The following MYPN variants were observed in gnomAD, a reference collection of about 807,000 sequenced individuals.
MYPN encodes myopalladin, also known as sarcomeric protein myopalladin, 145 kDa (MYOP).
In MYPN, 63 loss-of-function variants were observed where a neutral mutation model predicts 129.4. That is an observed-to-expected ratio of 0.49 (90% CI 0.40 to 0.60). MYPN has a LOEUF of 0.60. Ranked by LOEUF, MYPN falls within the 20% of genes least tolerant of loss-of-function variation. The pLI, the probability that MYPN is intolerant of heterozygous loss-of-function variation, is 0.00. For missense variants in MYPN, 1,596 were observed against 1,635.4 expected, an observed-to-expected ratio of 0.98 and a Z score of 0.42; for synonymous variants, 629 against 600.9, an observed-to-expected ratio of 1.05 and a Z score of -0.68.
At position 68,116,282 on chromosome 10, in the gene MYPN, TA is replaced by T. The variant is rs199894824; in HGVS notation, c.-1-5149del. ...AATAGAAAGTTTTTAAATTAATGCT[TA>T]AAAAAATAATTTTCATATTTTTTAT... is the stretch of plus-strand genomic sequence containing the variant. On this transcript the variant is annotated intron_variant, in intron 1 of 19. Transcript: ENST00000358913. 2.6e-3 allele frequency among the ~76,000 whole-genome samples: 272 copies of T among 106,216 alleles called. 2 individuals carry two copies. Among genetic ancestry groups the T allele is most frequent in the African/African-American group, 3.9e-3 (75 of 19,136 alleles). The allele number at this position is 106,216 out of a possible 152,430, so 69.7% of individuals were successfully genotyped here.
At chr10:68,102,939 C>T (rs572594874), upstream of MYPN, among the ~76,000 whole-genome samples, 49 of 152,190 alleles carry the variant, frequency 3.2e-4, no homozygotes, top group African/African-American at 1.2e-3. Context: ...ACTGTCTAGC[C>T]TAAAAGATGA....
chr10:68,163,355 G>T (rs867256519), intron 8 of MYPN, among the ~76,000 whole-genome samples: 1 of 151,916 alleles, frequency 6.6e-6, no homozygotes, highest in African/African-American at 2.4e-5. Flanking sequence ...AGCTGGGTGC[G>T]GTGGCTCACG....
intron 3 of MYPN, 85 bp from the exon 4 acceptor site, chr10:68,145,390 A>G (rs1311795607): frequency 4.7e-6 from 5 of 1,062,832 alleles, no homozygotes; most frequent in Non-Finnish European, 7.2e-6. Flanking sequence ...ACAAAGTATC[A>G]TCTTAAAAAT....
At chr10:68,099,617 G>A (rs553670961) in intron 1 of MYPN, among the ~76,000 whole-genome samples, 1 of 151,542 alleles carries the variant, frequency 6.6e-6, no homozygotes, top group East Asian at 1.9e-4. Context: ...TCCAGCCTGG[G>A]TGACAGAGCA....
At chr10:68,193,786 G>A (rs2043555045) in intron 13 of MYPN, among the ~76,000 whole-genome samples, 1 of 135,508 alleles carries the variant, frequency 7.4e-6, no homozygotes. Flanking sequence ...TATATAGATA[G>A]ATGTGTATGT....
At chr10:68,168,282 T>C (rs2043084822) in intron 10 of MYPN, among the ~76,000 whole-genome samples, 2 of 152,136 alleles carry the variant, frequency 1.3e-5, no homozygotes, top group African/African-American at 4.8e-5. Context: ...TGGAAGAAAC[T>C]GGGTGGGAGA....
intron 1 of MYPN, among the ~76,000 whole-genome samples, chr10:68,098,177 C>T (rs1483933242): frequency 6.6e-6 from 1 of 152,008 alleles, no homozygotes; most frequent in African/African-American, 2.4e-5. Flanking sequence ...ACCTGGGAGG[C>T]GAAGGTTGCA....
At chr10:68,140,719 T>G (rs1047347805) in intron 2 of MYPN, among the ~76,000 whole-genome samples, 1 of 152,170 alleles carries the variant, frequency 6.6e-6, no homozygotes, top group Non-Finnish European at 1.5e-5. Context: ...TATGGAATAA[T>G]GAAGAATAGC....
chr10:68,143,990 A>T (rs987493616), intron 3 of MYPN, among the ~76,000 whole-genome samples: 1 of 151,968 alleles, frequency 6.6e-6, no homozygotes, highest in African/African-American at 2.4e-5. Flanking sequence ...CCTCACCTCA[A>T]GTGATCTGCC....
intron 2 of MYPN, among the ~76,000 whole-genome samples, chr10:68,139,428 A>G (rs914689426): frequency 6.6e-6 from 1 of 152,062 alleles, no homozygotes; most frequent in Admixed American, 6.6e-5. Flanking sequence ...TAGACCTGCT[A>G]TTGTCTCCCC....
At chr10:68,093,530 A>C (rs567439457) in intron 1 of MYPN, among the ~76,000 whole-genome samples, 9 of 150,750 alleles carry the variant, frequency 6.0e-5, no homozygotes, top group Admixed American at 3.3e-4. Flanking sequence ...CGAGGTCAGC[A>C]GATCGAGACC....
intron 10 of MYPN, among the ~76,000 whole-genome samples, chr10:68,167,085 T>C (rs1194194022): frequency 6.6e-6 from 1 of 151,910 alleles, no homozygotes; most frequent in Non-Finnish European, 1.5e-5. Context: ...AATGAGAAAA[T>C]ACACATTAAA....
chr10:68,165,816 G>A lies in MYPN; in HGVS notation c.1598G>A (p.Arg533Lys). ...TVSSIAQLHVRGNEDLSNNGS... is the reference protein window; with the variant it reads ...TVSSIAQLHVKGNEDLSNNGS... ...TCAAGCATTGCACAGCTGCACGTGA[G>A]AGGTAAGGACTCTTTAATGCTAGAA... Residue 533 changes from arginine (R) to lysine (K), a missense_variant and splice_region_variant, in exon 9 of 20, where the codon AGA (arginine) becomes AAA (lysine). Physicochemically the swap from Arg to Lys is conservative, Grantham distance 26 (BLOSUM62 2). Coordinates refer to ENST00000358913, the MANE Select transcript of MYPN (RefSeq NM_032578.4). The A allele has an allele frequency of 6.2e-7, 1 of 1,612,296 alleles. No homozygotes were observed. The highest frequency in any genetic ancestry group is 1.1e-5 in the South Asian group (1 of 91,062).
chr10:68,147,303 C>T lies in MYPN; in HGVS notation c.1131-1050C>T, dbSNP rs562995488. Among the ~76,000 whole-genome samples the T allele has an allele frequency of 6.6e-5, 10 of 152,212 alleles. No individual in the cohort carries two copies. In the South Asian group the frequency reaches 1.2e-3, roughly 19 times the overall value. ...CCAAGAAGCTGGAATTACAGGCACA[C>T]GCCACCATGCCTGGCTAATTTTTTT... is the stretch of plus-strand genomic sequence containing the variant. On this transcript the variant is annotated intron_variant, in intron 4 of 19. Coordinates refer to ENST00000358913, the MANE Select transcript of MYPN (RefSeq NM_032578.4).
At chr10:68,178,078 CACTTTGT>C (rs1416671782) in intron 12 of MYPN, among the ~76,000 whole-genome samples, 1 of 152,078 alleles carries the variant, frequency 6.6e-6, no homozygotes, top group Non-Finnish European at 1.5e-5. Flanking sequence ...ATGTATCTAC[CACTTTGT>C]GTTTCTCTGT....
intron 13 of MYPN, among the ~76,000 whole-genome samples, 188 bp downstream of exon 13, chr10:68,189,314 C>CAGG (rs2043473521): frequency 6.6e-6 from 1 of 152,124 alleles, no homozygotes; most frequent in South Asian, 2.1e-4. Flanking sequence ...ATGATCAAAT[C>CAGG]AGGATAACTG....
intron 2 of MYPN, among the ~76,000 whole-genome samples, chr10:68,125,506 A>G (rs1435464438): frequency 6.6e-6 from 1 of 152,184 alleles, no homozygotes; most frequent in African/African-American, 2.4e-5. Flanking sequence ...CAGAAAGCAA[A>G]TATGTATTTA....
upstream of MYPN, among the ~76,000 whole-genome samples, chr10:68,102,122 CTTTT>C (rs35930233): frequency 1.8e-5 from 2 of 108,438 alleles, no homozygotes; most frequent in East Asian, 2.9e-4. Flanking sequence ...TTTCTCTCTC[CTTTT>C]TTTTTTTTTT....
chr10:68,126,768 C>T (rs1589533796), intron 2 of MYPN, among the ~76,000 whole-genome samples: 2 of 151,842 alleles, frequency 1.3e-5, no homozygotes, highest in Non-Finnish European at 2.9e-5. Flanking sequence ...TGGAGGAGGT[C>T]GATGGGAATT....
Sources: gnomAD v4.1 joint callset for allele counts (sites outside exome capture counted in the v4.1 genomes callset) on GRCh38, gnomAD v4.1.1 for gene constraint, MANE v1.5 for transcripts, NCBI Gene and HGNC (gene_info 2026-07-23, HGNC 2026-07-21) for gene names.